Variants in PFKFB3 observed in about 807,000 individuals in gnomAD.
PFKFB3 encodes the protein 6-phosphofructo-2-kinase/fructose-2,6-bisphosphatase 3.
PFKFB3 carries 33 observed loss-of-function variants against 68.0 expected under a neutral mutation model. That is an observed-to-expected ratio of 0.49 (90% CI 0.37 to 0.65). The LOEUF is 0.65. PFKFB3 is among the 30% of genes least tolerant of loss of function. The probability of loss-of-function intolerance (pLI) is 0.00; values close to 1 mark genes in which losing one functional copy is unlikely to be tolerated. For synonymous variants in PFKFB3, 315 were observed against 288.2 expected (o/e 1.09, Z -0.94); for missense variants, 586 against 712.2 (o/e 0.82, Z 2.02).
At chr10:6,191,579 C>A (rs1843023454) in intron 1 of PFKFB3, among the ~76,000 whole-genome samples, 1 of 152,124 alleles carries the variant, frequency 6.6e-6, no homozygotes, top group Non-Finnish European at 1.5e-5. Context: ...GGGCTCGGGC[C>A]CCCCCTAGAA....
intron 1 of PFKFB3, among the ~76,000 whole-genome samples, chr10:6,206,606 C>T (rs1217696775): frequency 6.2e-4 from 93 of 148,930 alleles, no homozygotes; most frequent in Non-Finnish European, 9.8e-4. Context: ...CCCTCCCGGA[C>T]GGGGTGGCTG....
chr10:6,307,866 G>A, the PFKFB3 span, among the ~76,000 whole-genome samples: 3 of 152,086 alleles, frequency 2.0e-5, no homozygotes, highest in African/African-American at 7.2e-5. Context: ...AGGTTATGAG[G>A]GCTCTGTCTC....
At chr10:6,303,043 T>C in the PFKFB3 span, among the ~76,000 whole-genome samples, 5 of 152,262 alleles carry the variant, frequency 3.3e-5, no homozygotes, top group Middle Eastern at 3.4e-3. Context: ...GTCCAGGGCA[T>C]GTGGGTAAGA....
At chr10:6,172,907 C>T (rs949394510) in intron 1 of PFKFB3, among the ~76,000 whole-genome samples, 2 of 152,098 alleles carry the variant, frequency 1.3e-5, no homozygotes, top group African/African-American at 2.4e-5. Context: ...AGTGCTGGGG[C>T]GCATCTGTCC....
the PFKFB3 span, among the ~76,000 whole-genome samples, chr10:6,289,419 A>G: frequency 6.6e-6 from 1 of 152,276 alleles, no homozygotes; most frequent in African/African-American, 2.4e-5. Context: ...AGCTTTCTAC[A>G]TATGGCTAGC....
rs181192670 is a variant in PFKFB3, at chr10:6,211,003, C to T, written c.77-2620C>T. Reference sequence around the variant, plus strand: ...GATTACAGGCGTGAGCCACCGTGCCCGGTGCGCCCCTCTCTTGTTCTGCAG... The same window carrying T: ...GATTACAGGCGTGAGCCACCGTGCCTGGTGCGCCCCTCTCTTGTTCTGCAG... On this transcript the variant is annotated intron_variant, in intron 1 of 14. Coordinates refer to ENST00000379775, the MANE Select transcript of PFKFB3 (RefSeq NM_004566.4). Among the ~76,000 whole-genome samples the T allele has an allele frequency of 9.1e-3, 1,373 of 151,042 alleles. 426 individuals carry two copies. The highest frequency in any genetic ancestry group is 0.014 in the Non-Finnish European group (969 of 67,362).
At chr10:6,324,552 G>A in the PFKFB3 span, among the ~76,000 whole-genome samples, 1 of 152,168 alleles carries the variant, frequency 6.6e-6, no homozygotes, top group South Asian at 2.1e-4. Flanking sequence ...TCAGCCTCCT[G>A]AGTAGCTGGG....
chr10:6,237,829 G>T (rs1443070884), downstream of PFKFB3, among the ~76,000 whole-genome samples: 3 of 151,884 alleles, frequency 2.0e-5, no homozygotes, highest in Non-Finnish European at 4.4e-5. Context: ...ACCTCCCAAA[G>T]TGCTGGGATT....
chr10:6,269,715 A>C, the PFKFB3 span, among the ~76,000 whole-genome samples: 1 of 152,188 alleles, frequency 6.6e-6, no homozygotes, highest in African/African-American at 2.4e-5. Context: ...TAAATGGCTC[A>C]TATTTCTGGT....
rs1845870378 is a variant in PFKFB3 at position 6,233,538 on chromosome 10, C to CGCAAGTTGGA, written c.*596_*597insGCAAGTTGGA. ...ACGCAAGTTGGCTGGGTGGTCCGCA[C>CGCAAGTTGGA]CCTGGCTCTCCTGCAGGTCCACACA... On this transcript the variant is annotated 3_prime_UTR_variant, in exon 15 of 15. Transcript: ENST00000379775. 2.0e-5 allele frequency: 3 copies of CGCAAGTTGGA among 152,526 alleles called. No individual in the cohort carries two copies. The highest frequency in any genetic ancestry group is 6.5e-5 in the Admixed American group (1 of 15,298). 9.4% of individuals were successfully genotyped at this position (152,526 alleles called of 1,614,324 possible). A position where few individuals can be genotyped will look rare whatever the true frequency, so the allele number is the denominator to read the frequency against.
At chr10:6,212,397 G>T (rs1844289093) in intron 1 of PFKFB3, among the ~76,000 whole-genome samples, 1 of 152,218 alleles carries the variant, frequency 6.6e-6, no homozygotes, top group African/African-American at 2.4e-5. Flanking sequence ...AGACCGTCAT[G>T]TAGCAGCGGA....
intron 1 of PFKFB3, among the ~76,000 whole-genome samples, chr10:6,192,664 C>CATGTGTGTGT (rs1285620223): frequency 5.7e-4 from 74 of 128,878 alleles, no homozygotes; most frequent in African/African-American, 1.7e-3. Flanking sequence ...TCCCCTCACC[C>CATGTGTGTGT]GTGTGTGTGT....
At chr10:6,296,746 G>C in the PFKFB3 span, among the ~76,000 whole-genome samples, 1 of 152,190 alleles carries the variant, frequency 6.6e-6, no homozygotes, top group Admixed American at 6.5e-5. Flanking sequence ...AGCATGTAAT[G>C]AGCAGTGAGG....
At chr10:6,199,658 A>ATTTTT (rs143309528), upstream of PFKFB3, among the ~76,000 whole-genome samples, 291 of 75,562 alleles carry the variant, frequency 3.9e-3, 11 homozygotes, top group South Asian at 0.011. Context: ...CTATTTTTAA[A>ATTTTT]TTTTTTTTTT....
upstream of PFKFB3, among the ~76,000 whole-genome samples, chr10:6,200,016 A>AG (rs1843285020): frequency 6.7e-6 from 1 of 149,692 alleles, no homozygotes; most frequent in African/African-American, 2.5e-5. Context: ...GTCAAGCAGA[A>AG]GGGAAAAACA....
chr10:6,275,493 C>T, the PFKFB3 span, among the ~76,000 whole-genome samples: 1 of 152,216 alleles, frequency 6.6e-6, no homozygotes, highest in Non-Finnish European at 1.5e-5. The surrounding 1 kb of genome is among the most constrained non-coding windows in gnomAD (Gnocchi z 4.9). Flanking sequence ...GGTGACTCAC[C>T]GCCATCACCC....
downstream of PFKFB3, among the ~76,000 whole-genome samples, chr10:6,254,808 C>CTTTTTTTTTTTTTTTTTT (rs144888417): frequency 5.4e-4 from 33 of 61,636 alleles, 6 homozygotes; most frequent in Non-Finnish European, 6.6e-4. Flanking sequence ...TTTTTCTGTT[C>CTTTTTTTTTTTTTTTTTT]TTTTTTTTTT....
At position 6,220,805 on chromosome 10, in the gene PFKFB3, C is replaced by A; in HGVS notation, c.771C>A (p.Asn257Lys). 1 of 1,613,872 alleles carries A rather than the reference C, an allele frequency of 6.2e-7. No homozygotes were observed. The highest frequency in any genetic ancestry group is 1.1e-5 in the South Asian group (1 of 91,084). Residue 257 changes from asparagine (N) to lysine (K), a missense_variant, in exon 8 of 15, where the codon AAC becomes AAA. Physicochemically the swap from Asn to Lys is moderately conservative, Grantham distance 94 (BLOSUM62 0). Coordinates refer to ENST00000379775, the MANE Select transcript of PFKFB3 (RefSeq NM_004566.4). The surrounding 1 kb of genome is among the most constrained non-coding windows in gnomAD (Gnocchi z 4.1). ...RTIYLCRHGENEHNLQGRIGG... is the reference protein window; with the variant it reads ...RTIYLCRHGEKEHNLQGRIGG... ...TCTACCTGTGCCGGCACGGCGAGAA[C>A]GAGCACAACCTCCAGGGCCGCATCG...
chr10:6,229,327 C>G lies in PFKFB3; in HGVS notation c.1515+2962C>G, dbSNP rs1188430732. 2.5e-5 allele frequency: 9 copies of G among 360,496 alleles called. No homozygotes were observed. In the East Asian group the frequency reaches 6.9e-4, roughly 28 times the overall value. 22.3% of individuals were successfully genotyped at this position (360,496 alleles called of 1,614,324 possible). On this transcript the variant is annotated intron_variant, in intron 14 of 14. Coordinates refer to ENST00000379775, the MANE Select transcript of PFKFB3 (RefSeq NM_004566.4). This position sits in a 1 kb window ranked among gnomAD's most constrained non-coding sequence, Gnocchi z 4.3. The stretch of plus-strand genomic sequence containing the variant: ...GTTTAATGGTTGAGGGGCTGAGTGA[C>G]CGGCCCGTGCTTCCAGCAGGTGAGC...
Sources: gnomAD v4.1 joint callset for allele counts (sites outside exome capture counted in the v4.1 genomes callset) on GRCh38, gnomAD v4.1.1 for gene constraint, Gnocchi (gnomAD v3.1) non-coding constraint, MANE v1.5 for transcripts, NCBI Gene and HGNC (gene_info 2026-07-23, HGNC 2026-07-21) for gene names.